The following TPRG1 variants were observed in gnomAD, a reference collection of about 807,000 sequenced individuals.
TPRG1 encodes the protein tumor protein p63-regulated gene 1 protein.
TPRG1 carries 29 observed loss-of-function variants against 29.3 expected under a neutral mutation model. The ratio of observed to expected loss-of-function variants is 0.99; its 90% confidence interval spans 0.74 to 1.35. The LOEUF (loss-of-function observed/expected upper bound fraction) is 1.35, where lower values mean the gene tolerates loss of function less well. TPRG1 is among the 40% of genes most tolerant of loss of function. TPRG1 has a pLI of 0.00. For synonymous variants in TPRG1, 130 were observed against 116.8 expected, an observed-to-expected ratio of 1.11 and a Z score of -0.73; for missense variants, 327 against 335.0, an observed-to-expected ratio of 0.98 and a Z score of 0.19.
chr3:189,242,957 G>T (rs1740852094), intron 4 of TPRG1, among the ~76,000 whole-genome samples: 1 of 151,958 alleles, frequency 6.6e-6, no homozygotes, highest in Non-Finnish European at 1.5e-5. Flanking sequence ...GCATAAAGTT[G>T]TTAATAATAT....
intron 4 of TPRG1, among the ~76,000 whole-genome samples, chr3:189,294,148 T>C (rs1719482356): frequency 6.6e-6 from 1 of 152,234 alleles, no homozygotes; most frequent in Admixed American, 6.5e-5. Context: ...AGCTTACTTT[T>C]CTCACCAGAT....
chr3:189,007,111 C>T (rs979607383), intron 3 of TPRG1, among the ~76,000 whole-genome samples: 8 of 151,934 alleles, frequency 5.3e-5, no homozygotes, highest in South Asian at 4.2e-4. Flanking sequence ...GAACAGGCAA[C>T]CTACAAAATG....
intron 4 of TPRG1, among the ~76,000 whole-genome samples, chr3:189,036,041 T>C (rs143435367): frequency 5.9e-5 from 9 of 152,016 alleles, no homozygotes; most frequent in African/African-American, 2.4e-5. Flanking sequence ...TACTAGTGGA[T>C]TGGATAAAGA....
intron 1 of TPRG1, among the ~76,000 whole-genome samples, chr3:189,204,296 A>G (rs1223622316): frequency 2.0e-5 from 3 of 152,088 alleles, no homozygotes; most frequent in Non-Finnish European, 2.9e-5. Flanking sequence ...TTAGCATTTC[A>G]CGGAATACAG....
Position 189,065,554 on chromosome 3 carries a change from T to TA in TPRG1, c.-463+41618dup, listed in dbSNP as rs537982013. 4.1e-4 allele frequency among the ~76,000 whole-genome samples: 58 copies of TA among 142,896 alleles called. 3 individuals are homozygous for TA. Among genetic ancestry groups the TA allele is most frequent in the Admixed American group, 1.3e-3 (18 of 14,336 alleles). The allele number at this position is 142,896 out of a possible 152,430, so 93.7% of individuals were successfully genotyped here. A position where few individuals can be genotyped will look rare whatever the true frequency, so the allele number is the denominator to read the frequency against. ...CATGTAATATACCATGTCCAAAAGC[T>TA]AAAAAAAAAAGGCAATGATGATATC... On this transcript the variant is annotated intron_variant, in intron 4 of 10. Transcript: ENST00000433971.
intron 3 of TPRG1, among the ~76,000 whole-genome samples, chr3:189,022,127 A>G (rs1461747963): frequency 1.3e-5 from 2 of 152,080 alleles, no homozygotes; most frequent in African/African-American, 4.8e-5. Context: ...CTAGTTATAC[A>G]TTCTTCCAAA....
At chr3:189,114,268 C>CTTGCTTGTTTGT (rs1560457685) in intron 1 of TPRG1, among the ~76,000 whole-genome samples, 2 of 150,576 alleles carry the variant, frequency 1.3e-5, no homozygotes, top group African/African-American at 4.9e-5. Context: ...CTAGATGTTG[C>CTTGCTTGTTTGT]TTGTTTGTTT....
chr3:189,244,998 G>A (rs1052108167), intron 4 of TPRG1, among the ~76,000 whole-genome samples: 11 of 152,078 alleles, frequency 7.2e-5, no homozygotes, highest in African/African-American at 1.2e-4. Context: ...TTGGCTCACC[G>A]CAGCCTCCAC....
At chr3:189,015,953 G>C (rs1037241883) in intron 3 of TPRG1, among the ~76,000 whole-genome samples, 1 of 152,136 alleles carries the variant, frequency 6.6e-6, no homozygotes, top group Non-Finnish European at 1.5e-5. Context: ...CCCCCACACA[G>C]AGTCTCCACT....
intron 4 of TPRG1, among the ~76,000 whole-genome samples, chr3:189,051,316 G>T (rs77723670): frequency 6.6e-6 from 1 of 151,972 alleles, no homozygotes; most frequent in Admixed American, 6.6e-5. Flanking sequence ...ATCAAATCAA[G>T]AACTCAGCCC....
At chr3:189,188,153 A>G (rs1731199532) in intron 1 of TPRG1, among the ~76,000 whole-genome samples, 1 of 152,228 alleles carries the variant, frequency 6.6e-6, no homozygotes, top group African/African-American at 2.4e-5. Flanking sequence ...CAATATAAGT[A>G]ATGTTACCTC....
intron 4 of TPRG1, among the ~76,000 whole-genome samples, chr3:189,087,376 G>C (rs1318970959): frequency 6.6e-6 from 1 of 150,488 alleles, no homozygotes; most frequent in Non-Finnish European, 1.5e-5. Context: ...TTGTAAATTT[G>C]TTTGAGTTCT....
intron 5 of TPRG1, among the ~76,000 whole-genome samples, chr3:189,310,849 A>G (rs953052579): frequency 6.6e-6 from 1 of 151,990 alleles, no homozygotes; most frequent in African/African-American, 2.4e-5. Flanking sequence ...CATTCTAATT[A>G]TTTTATTCAT....
At position 189,268,096 on chromosome 3, in the gene TPRG1, G is replaced by A. The variant is rs981096846; in HGVS notation, c.479+29187G>A. On this transcript the variant is annotated intron_variant, in intron 4 of 5. Transcript: ENST00000345063. ...TGGATGGAGATAAATTCTGAAAAGA[G>A]AATTGCCTTGGAGCTTATGGACTTA... Among the ~76,000 whole-genome samples, 67 of 152,200 alleles carry A rather than the reference G, an allele frequency of 4.4e-4. 1 individual carries two copies. The highest frequency in any genetic ancestry group is 1.5e-3 in the African/African-American group (62 of 41,442).
chr3:189,107,295 C>T (rs1020159962), intron 1 of TPRG1, among the ~76,000 whole-genome samples: 9 of 152,052 alleles, frequency 5.9e-5, no homozygotes, highest in Non-Finnish European at 1.3e-4. Flanking sequence ...ATATATCTTG[C>T]TTAAAGGCAG....
intron 3 of TPRG1, among the ~76,000 whole-genome samples, chr3:189,225,855 G>A (rs978092911): frequency 2.0e-5 from 3 of 152,166 alleles, no homozygotes; most frequent in Non-Finnish European, 4.4e-5. Flanking sequence ...GCTTTGCCAT[G>A]TGAATTAATT....
At chr3:189,214,128 A>G (rs1735680937) in intron 2 of TPRG1, among the ~76,000 whole-genome samples, 1 of 152,212 alleles carries the variant, frequency 6.6e-6, no homozygotes, top group Non-Finnish European at 1.5e-5. Flanking sequence ...AGCGAGGCAA[A>G]TAAGGTTTTA....
At chr3:189,119,487 G>A (rs1003709912) in intron 1 of TPRG1, among the ~76,000 whole-genome samples, 3 of 152,140 alleles carry the variant, frequency 2.0e-5, no homozygotes, top group African/African-American at 7.2e-5. Flanking sequence ...ATTTGGCAGG[G>A]GCCAAGGGCA....
upstream of TPRG1, among the ~76,000 whole-genome samples, chr3:189,171,433 A>C (rs1198426571): frequency 6.6e-6 from 1 of 152,248 alleles, no homozygotes; most frequent in African/African-American, 2.4e-5. Flanking sequence ...ATATGAGAGA[A>C]TAAGATGTAG....
Sources: gnomAD v4.1 joint callset for allele counts (sites outside exome capture counted in the v4.1 genomes callset) on GRCh38, gnomAD v4.1.1 for gene constraint, MANE v1.5 for transcripts, NCBI Gene and HGNC (gene_info 2026-07-23, HGNC 2026-07-21) for gene names.